The following PDE10A variants were observed in gnomAD, a reference collection of about 807,000 sequenced individuals.
The protein encoded by PDE10A is phosphodiesterase 10A, also known as cAMP and cAMP-inhibited cGMP 3',5'-cyclic phosphodiesterase 10A.
A neutral mutation model predicts 97.7 loss-of-function variants in PDE10A; 39 were observed. The observed-to-expected ratio is 0.40, with a 90% CI of 0.31 to 0.52. The LOEUF (loss-of-function observed/expected upper bound fraction) is 0.52, where lower values mean the gene tolerates loss of function less well. Among genes scored for constraint, PDE10A ranks in the 20% least tolerant of loss-of-function variants. The pLI is 0.56. For synonymous variants in PDE10A, 371 were observed against 376.8 expected (o/e 0.98, Z 0.18); for missense variants, 731 against 1,047.8 (o/e 0.70, Z 4.17).
At chr6:165,796,490 A>G (rs1778837510) in intron 1 of PDE10A, among the ~76,000 whole-genome samples, 1 of 152,220 alleles carries the variant, frequency 6.6e-6, no homozygotes, top group African/African-American at 2.4e-5. Context: ...TGGCAGAGCC[A>G]AGACAGAGAC....
chr6:165,907,957 C>T (rs1383559057), intron 1 of PDE10A, among the ~76,000 whole-genome samples: 1 of 152,188 alleles, frequency 6.6e-6, no homozygotes, highest in Non-Finnish European at 1.5e-5. Flanking sequence ...ACACCTCGAG[C>T]CTTAGGACAA....
chr6:165,362,486 A>G (rs1309645964), intron 18 of PDE10A, among the ~76,000 whole-genome samples: 1 of 152,194 alleles, frequency 6.6e-6, no homozygotes, highest in Non-Finnish European at 1.5e-5. Flanking sequence ...TTCTAGAAAG[A>G]CACAAGTGAC....
chr6:165,543,378 C>A, intron 2 of PDE10A, 62 bp downstream of exon 2: 1 of 1,428,430 alleles, frequency 7.0e-7, no homozygotes, highest in Non-Finnish European at 9.6e-7. Flanking sequence ...ATATTAAATG[C>A]TTAGTCTTTT....
rs548715282 is a variant in PDE10A at position 165,629,187 on chromosome 6, T to C, written c.865+32760A>G. ...GCCGTGTGTGAGGAGAAAATCCCTA[T>C]ATGAAGTTCAGCAGCAGCGAGCTCA... On this transcript the variant is annotated intron_variant, in intron 1 of 21. Transcript: ENST00000539869. Among the ~76,000 whole-genome samples the C allele has an allele frequency of 2.6e-5, 4 of 152,270 alleles. No individual in the cohort carries two copies. The East Asian group carries it at 5.8e-4, about 22-fold the overall frequency.
intron 2 of PDE10A, among the ~76,000 whole-genome samples, chr6:165,543,189 T>C: frequency 6.6e-6 from 1 of 152,200 alleles, no homozygotes; most frequent in East Asian, 1.9e-4. Flanking sequence ...CATTTTTCAA[T>C]ATGGTTGTAA....
At chr6:165,383,513 C>A (rs1029859930) in intron 17 of PDE10A, among the ~76,000 whole-genome samples, 1 of 152,116 alleles carries the variant, frequency 6.6e-6, no homozygotes, top group Non-Finnish European at 1.5e-5. Context: ...CTCTGCCCCA[C>A]CGGACACAGC....
chr6:165,959,927 C>T (rs142064651), intron 1 of PDE10A, among the ~76,000 whole-genome samples: 19 of 152,310 alleles, frequency 1.2e-4, no homozygotes, highest in Admixed American at 3.9e-4. Context: ...GAGGCGACTT[C>T]CTGCAGCTCT....
At chr6:165,385,137 G>A (rs533273003) in intron 17 of PDE10A, among the ~76,000 whole-genome samples, 2 of 152,160 alleles carry the variant, frequency 1.3e-5, no homozygotes, top group Non-Finnish European at 2.9e-5. Flanking sequence ...AGTCAAGCTT[G>A]TAGGTGTCTT....
rs1790645181 is a variant in PDE10A at position 165,671,433 on chromosome 6, T to C, written c.-614-127865A>G. ...CCCATTTACTGCCCAGAACTGAACATGAGCCCATTCACAGGGCCACTTAGG... is the reference window on the plus strand; with the variant it reads ...CCCATTTACTGCCCAGAACTGAACACGAGCCCATTCACAGGGCCACTTAGG... On this transcript the variant is annotated intron_variant, in intron 1 of 19. Transcript: ENST00000366882. This position sits in a 1 kb window ranked among gnomAD's most constrained non-coding sequence, Gnocchi z 4.6. Among the ~76,000 whole-genome samples, 2 of 152,076 alleles carry C rather than the reference T, an allele frequency of 1.3e-5. No individual in the cohort carries two copies. The highest frequency in any genetic ancestry group is 4.8e-5 in the African/African-American group (2 of 41,408).
At chr6:165,827,129 T>C (rs1376679414) in intron 1 of PDE10A, among the ~76,000 whole-genome samples, 1 of 152,148 alleles carries the variant, frequency 6.6e-6, no homozygotes, top group Admixed American at 6.5e-5. Context: ...CTGCGGGCCC[T>C]CCGCCGTGGT....
intron 1 of PDE10A, among the ~76,000 whole-genome samples, chr6:165,676,026 A>G (rs1790785295): frequency 6.6e-6 from 1 of 152,236 alleles, no homozygotes; most frequent in Non-Finnish European, 1.5e-5. Flanking sequence ...AAAGTGTCGT[A>G]TACATGGAAG....
intron 1 of PDE10A, among the ~76,000 whole-genome samples, chr6:165,610,624 C>T (rs1787448900): frequency 6.6e-6 from 1 of 151,998 alleles, no homozygotes; most frequent in South Asian, 2.1e-4. Flanking sequence ...TGCTTTTGCT[C>T]CCATAAATGA....
intron 1 of PDE10A, among the ~76,000 whole-genome samples, chr6:165,603,330 C>A (rs1787057387): frequency 6.6e-6 from 1 of 152,152 alleles, no homozygotes; most frequent in Non-Finnish European, 1.5e-5. Context: ...TAGCACTGTC[C>A]TTTAGTGATA....
At chr6:165,444,194 C>A (rs1790677001) in intron 5 of PDE10A, among the ~76,000 whole-genome samples, 1 of 152,204 alleles carries the variant, frequency 6.6e-6, no homozygotes. Context: ...TTCGTCACAA[C>A]CATTCAACAA....
chr6:165,968,964 C>T (rs909517881), intron 1 of PDE10A, among the ~76,000 whole-genome samples: 1 of 152,158 alleles, frequency 6.6e-6, no homozygotes, highest in African/African-American at 2.4e-5. Context: ...AGAATCATCA[C>T]CCTGATGAAA....
chr6:165,622,503 C>T (rs879689549), intron 1 of PDE10A, among the ~76,000 whole-genome samples: 1 of 152,166 alleles, frequency 6.6e-6, no homozygotes, highest in Admixed American at 6.5e-5. Context: ...ACAACTGTAA[C>T]ACAATGCTAA....
At chr6:165,582,837 A>G (rs4533969) in intron 1 of PDE10A, among the ~76,000 whole-genome samples, 3 of 152,168 alleles carry the variant, frequency 2.0e-5, no homozygotes, top group African/African-American at 7.2e-5. Flanking sequence ...TTAAAACAAT[A>G]TAAAATATAT....
intron 2 of PDE10A, among the ~76,000 whole-genome samples, chr6:165,527,160 T>C (rs2128312277): frequency 6.6e-6 from 1 of 152,326 alleles, no homozygotes; most frequent in South Asian, 2.1e-4. Context: ...GAAGAATAAG[T>C]TGCTGCATTT....
chr6:165,930,994 C>A (rs1783116522), intron 1 of PDE10A, among the ~76,000 whole-genome samples: 1 of 152,232 alleles, frequency 6.6e-6, no homozygotes, highest in Non-Finnish European at 1.5e-5. Context: ...CAGCATGGAG[C>A]ATTGACGATG....
Sources: gnomAD v4.1 joint callset for allele counts (sites outside exome capture counted in the v4.1 genomes callset) on GRCh38, gnomAD v4.1.1 for gene constraint, Gnocchi (gnomAD v3.1) non-coding constraint, MANE v1.5 for transcripts, NCBI Gene and HGNC (gene_info 2026-07-23, HGNC 2026-07-21) for gene names.